The following SPATA16 variants were observed in gnomAD, a reference collection of about 807,000 sequenced individuals.
The protein encoded by SPATA16 is spermatogenesis-associated protein 16.
SPATA16 carries 36 observed loss-of-function variants against 63.3 expected under a neutral mutation model. The ratio of observed to expected loss-of-function variants is 0.57; its 90% CI spans 0.44 to 0.75. The LOEUF is 0.75. SPATA16 is among the 30% of genes least tolerant of loss of function. The pLI, the probability that SPATA16 is intolerant of heterozygous loss-of-function variation, is 0.00. For missense variants in SPATA16, 646 were observed against 679.3 expected, an observed-to-expected ratio of 0.95 and a Z score of 0.54; for synonymous variants, 203 against 216.7, an observed-to-expected ratio of 0.94 and a Z score of 0.56.
chr3:172,922,864 A>G (rs1289152399), intron 8 of SPATA16, among the ~76,000 whole-genome samples: 1 of 152,126 alleles, frequency 6.6e-6, no homozygotes, highest in Non-Finnish European at 1.5e-5. Context: ...GGAGGTTGCA[A>G]TGAGCCAAGA....
At chr3:172,988,954 A>G (rs1441433107) in intron 4 of SPATA16, among the ~76,000 whole-genome samples, 1 of 152,208 alleles carries the variant, frequency 6.6e-6, no homozygotes, top group African/African-American at 2.4e-5. Flanking sequence ...CTGTAAGATA[A>G]TATATAAACA....
rs149461823 is a variant in SPATA16, at chr3:173,068,234, C to G, written c.613-19140G>C. Among the ~76,000 whole-genome samples the G allele has an allele frequency of 5.1e-3, 783 of 152,256 alleles. 3 individuals are homozygous for G. The highest frequency in any genetic ancestry group is 8.6e-3 in the Non-Finnish European group (585 of 68,024). On this transcript the variant is annotated intron_variant, in intron 2 of 10. Coordinates refer to ENST00000351008, the MANE Select transcript of SPATA16 (RefSeq NM_031955.6). ...ATTGCAATGTTTAAACCACTCATAT[C>G]TTTAGTAGGAAGACTAAAAGACAAA...
intron 3 of SPATA16, among the ~76,000 whole-genome samples, chr3:173,045,900 C>T (rs1417292528): frequency 6.6e-6 from 1 of 151,914 alleles, no homozygotes; most frequent in East Asian, 1.9e-4. Flanking sequence ...GTAGATACTA[C>T]CATTATAAAA....
At chr3:173,135,659 A>G (rs1258304881) in intron 1 of SPATA16, among the ~76,000 whole-genome samples, 1 of 152,242 alleles carries the variant, frequency 6.6e-6, no homozygotes, top group Non-Finnish European at 1.5e-5. Flanking sequence ...CACAAATAAA[A>G]CATGGAGTGA....
intron 4 of SPATA16, among the ~76,000 whole-genome samples, chr3:172,996,705 C>T (rs1167690814): frequency 6.6e-6 from 1 of 152,128 alleles, no homozygotes; most frequent in African/African-American, 2.4e-5. Context: ...GTTATACATT[C>T]TATGGGCTTT....
intron 4 of SPATA16, among the ~76,000 whole-genome samples, chr3:173,007,052 G>C (rs1040644791): frequency 3.3e-5 from 5 of 152,106 alleles, no homozygotes; most frequent in African/African-American, 1.2e-4. Flanking sequence ...GGTTTTTACT[G>C]TACACTCATC....
At chr3:173,012,573 AAC>A (rs1735096310) in intron 4 of SPATA16, among the ~76,000 whole-genome samples, 1 of 152,326 alleles carries the variant, frequency 6.6e-6, no homozygotes, top group Non-Finnish European at 1.5e-5. Flanking sequence ...CTGGTACAAA[AAC>A]ACACACAGAG....
At chr3:173,114,967 C>T (rs1187191854) in intron 2 of SPATA16, among the ~76,000 whole-genome samples, 1 of 152,040 alleles carries the variant, frequency 6.6e-6, no homozygotes, top group Admixed American at 6.6e-5. Flanking sequence ...AAAGCTAGGC[C>T]AGATGTCTAA....
At chr3:173,061,989 G>A (rs1350843326) in intron 2 of SPATA16, among the ~76,000 whole-genome samples, 1 of 151,020 alleles carries the variant, frequency 6.6e-6, no homozygotes, top group Non-Finnish European at 1.5e-5. Context: ...TTGAATGACA[G>A]TAAAAAGTAA....
intron 5 of SPATA16, among the ~76,000 whole-genome samples, chr3:172,964,400 C>CA (rs1349008420): frequency 1.3e-5 from 2 of 152,290 alleles, no homozygotes; most frequent in East Asian, 1.9e-4. Flanking sequence ...GAAAGAAACT[C>CA]AGAGTTACAA....
At chr3:172,946,568 G>C (rs1733293651) in intron 6 of SPATA16, among the ~76,000 whole-genome samples, 1 of 152,100 alleles carries the variant, frequency 6.6e-6, no homozygotes, top group Non-Finnish European at 1.5e-5. Context: ...CTAGCCATGA[G>C]CCTGGGTAGC....
chr3:172,954,315 AT>A (rs1733520061), intron 6 of SPATA16, among the ~76,000 whole-genome samples: 2 of 152,160 alleles, frequency 1.3e-5, no homozygotes, highest in Admixed American at 6.5e-5. Flanking sequence ...CCATCAGATC[AT>A]GTGAGACTTA....
chr3:173,123,058 G>A (rs777842932), intron 1 of SPATA16, among the ~76,000 whole-genome samples: 18 of 152,162 alleles, frequency 1.2e-4, no homozygotes, highest in Non-Finnish European at 1.9e-4. Flanking sequence ...GCAAGCAGTT[G>A]CTCTTCTCTT....
intron 3 of SPATA16, among the ~76,000 whole-genome samples, chr3:173,020,190 G>A (rs187867046): frequency 1.0e-3 from 158 of 152,048 alleles, no homozygotes; most frequent in East Asian, 3.5e-3. Flanking sequence ...TCAGCTACTC[G>A]GGAGGCTGAA....
intron 10 of SPATA16, among the ~76,000 whole-genome samples, chr3:172,898,617 T>C (rs1350780458): frequency 6.8e-6 from 1 of 148,008 alleles, no homozygotes; most frequent in Non-Finnish European, 1.5e-5. Context: ...TTTGTTAGTC[T>C]TGCTAGATTT....
chr3:173,000,872 T>G (rs1005704708), intron 4 of SPATA16, among the ~76,000 whole-genome samples: 1 of 152,150 alleles, frequency 6.6e-6, no homozygotes, highest in Non-Finnish European at 1.5e-5. Context: ...TCTCTAGAAT[T>G]TCTGTTTGAT....
chr3:173,103,207 T>C (rs541624312), intron 2 of SPATA16, among the ~76,000 whole-genome samples: 105 of 152,330 alleles, frequency 6.9e-4, no homozygotes, highest in Middle Eastern at 3.4e-3. Context: ...TGCTTTTCCA[T>C]GTGTCAGGCA....
intron 10 of SPATA16, among the ~76,000 whole-genome samples, chr3:172,909,226 T>C (rs1341861577): frequency 6.6e-6 from 1 of 152,176 alleles, no homozygotes; most frequent in African/African-American, 2.4e-5. Flanking sequence ...ACCACAGTCC[T>C]GCTACTCTAC....
intron 1 of SPATA16, among the ~76,000 whole-genome samples, chr3:173,128,822 C>T (rs549087775): frequency 4.6e-5 from 7 of 152,288 alleles, no homozygotes; most frequent in South Asian, 2.1e-4. Context: ...TTTCTGGTGA[C>T]GTAAGCATAT....
Sources: allele counts gnomAD v4.1 joint callset (sites outside exome capture counted in the v4.1 genomes callset), GRCh38; gene constraint gnomAD v4.1.1; transcripts MANE v1.5; gene names NCBI Gene and HGNC (gene_info 2026-07-23, HGNC 2026-07-21).